Variants in C13orf42 observed in about 807,000 individuals in gnomAD.
C13orf42 encodes uncharacterized protein C13orf42.
intron 1 of C13orf42, among the ~76,000 whole-genome samples, chr13:51,168,189 T>A (rs1953916896): frequency 6.6e-6 from 1 of 152,222 alleles, no homozygotes; most frequent in Non-Finnish European, 1.5e-5. Context: ...GGTCTCTTTT[T>A]CACAGACAAG....
upstream of C13orf42, among the ~76,000 whole-genome samples, chr13:51,111,402 A>T (rs919701903): frequency 2.0e-5 from 3 of 152,086 alleles, no homozygotes; most frequent in African/African-American, 7.2e-5. Context: ...GGATGTTTAC[A>T]TCCTATAACC....
chr13:51,098,909 G>A (rs1311993512), intron 1 of C13orf42, among the ~76,000 whole-genome samples: 1 of 151,832 alleles, frequency 6.6e-6, no homozygotes, highest in African/African-American at 2.4e-5. Flanking sequence ...ATACTTTCTT[G>A]GGATAATCAT....
Position 51,153,630 on chromosome 13 carries a change from C to CTTTTTTTTTTT in C13orf42, n.136+18612_136+18622dup, listed in dbSNP as rs1206289963. ...CATTTTCTTGCTTTCTGTTTTTTTT[C>CTTTTTTTTTTT]TTTTTTTTTTTTTTTTTTTTTTTTT... On this transcript the variant is annotated intron_variant and non_coding_transcript_variant, in intron 1 of 4. Coordinates refer to the C13orf42 transcript ENST00000433280. 6.5e-3 allele frequency among the ~76,000 whole-genome samples: 525 copies of CTTTTTTTTTTT among 81,248 alleles called. 6 individuals are homozygous for CTTTTTTTTTTT. Among genetic ancestry groups the CTTTTTTTTTTT allele is most frequent in the Non-Finnish European group, 8.9e-3 (369 of 41,582 alleles). 53.3% of individuals were successfully genotyped at this position (81,248 alleles called of 152,430 possible).
intron 1 of C13orf42, among the ~76,000 whole-genome samples, chr13:51,137,822 T>G (rs1325739905): frequency 1.3e-5 from 2 of 152,204 alleles, no homozygotes; most frequent in Non-Finnish European, 2.9e-5. Flanking sequence ...TCATCTTGAT[T>G]TCATGTTCTG....
intron 1 of C13orf42, among the ~76,000 whole-genome samples, chr13:51,159,317 T>C (rs1484590136): frequency 6.6e-6 from 1 of 152,124 alleles, no homozygotes; most frequent in Non-Finnish European, 1.5e-5. Flanking sequence ...TTGTTTTCAA[T>C]GACAGTGATT....
intron 1 of C13orf42, among the ~76,000 whole-genome samples, chr13:51,163,685 A>G (rs139686006): frequency 1.3e-5 from 2 of 152,202 alleles, no homozygotes; most frequent in East Asian, 3.9e-4. Context: ...CTTCATAGAT[A>G]AGGAGTGAAT....
intron 1 of C13orf42, among the ~76,000 whole-genome samples, chr13:51,154,898 G>A (rs546285094): frequency 1.3e-5 from 2 of 152,344 alleles, no homozygotes; most frequent in African/African-American, 4.8e-5. Flanking sequence ...GTAGAAAGCA[G>A]GCTGTGCATG....
At chr13:51,120,919 C>T (rs151225763) in intron 1 of C13orf42, among the ~76,000 whole-genome samples, 2 of 152,302 alleles carry the variant, frequency 1.3e-5, no homozygotes, top group East Asian at 1.9e-4. Flanking sequence ...GAGGCTGAGG[C>T]AGGAGAATCT....
chr13:51,132,429 C>T (rs955355697), intron 1 of C13orf42, among the ~76,000 whole-genome samples: 1 of 146,972 alleles, frequency 6.8e-6, no homozygotes, highest in African/African-American at 2.5e-5. Context: ...GACTCCGTCT[C>T]AAAAACAAAA....
At chr13:51,160,452 T>C (rs976545289) in intron 1 of C13orf42, among the ~76,000 whole-genome samples, 8 of 152,236 alleles carry the variant, frequency 5.3e-5, no homozygotes, top group African/African-American at 1.9e-4. Flanking sequence ...GAGGTTGCAG[T>C]GAGCCGTGAT....
At chr13:51,136,377 A>C (rs1196801097) in intron 1 of C13orf42, among the ~76,000 whole-genome samples, 2 of 152,200 alleles carry the variant, frequency 1.3e-5, no homozygotes, top group Non-Finnish European at 2.9e-5. Context: ...AGAGAACCCC[A>C]GTGACTCTGA....
intron 1 of C13orf42, among the ~76,000 whole-genome samples, chr13:51,109,580 T>C (rs574150225): frequency 2.0e-5 from 3 of 151,600 alleles, no homozygotes; most frequent in Non-Finnish European, 4.4e-5. Context: ...AAGACTCCCA[T>C]CTCTACAAAA....
intron 1 of C13orf42, among the ~76,000 whole-genome samples, chr13:51,098,473 C>A (rs1953257683): frequency 6.6e-6 from 1 of 152,056 alleles, no homozygotes; most frequent in Non-Finnish European, 1.5e-5. Context: ...CAGACCCAGG[C>A]ACATCTTTTC....
At chr13:51,145,344 G>T (rs1953726395) in intron 1 of C13orf42, among the ~76,000 whole-genome samples, 1 of 151,850 alleles carries the variant, frequency 6.6e-6, no homozygotes, top group South Asian at 2.1e-4. Context: ...TTCCAGGATT[G>T]TTCTTTTGTT....
chr13:51,139,760 A>G (rs908223249), intron 1 of C13orf42, among the ~76,000 whole-genome samples: 1 of 152,184 alleles, frequency 6.6e-6, no homozygotes, highest in Non-Finnish European at 1.5e-5. Flanking sequence ...TAAAAAGGGG[A>G]GGCATGAATA....
At chr13:51,167,301 A>T (rs1184291825) in intron 1 of C13orf42, among the ~76,000 whole-genome samples, 4 of 152,106 alleles carry the variant, frequency 2.6e-5, no homozygotes, top group Admixed American at 2.6e-4. Context: ...ATATAAACCT[A>T]TCTGGGAGGG....
At chr13:51,169,450 AAGCC>A (rs1378080695) in intron 1 of C13orf42, among the ~76,000 whole-genome samples, 1 of 152,244 alleles carries the variant, frequency 6.6e-6, no homozygotes, top group African/African-American at 2.4e-5. Context: ...GGAGGAATTC[AAGCC>A]AGCTGCAGAA....
chr13:51,109,458 T>C (rs1418789540), intron 1 of C13orf42, among the ~76,000 whole-genome samples: 1 of 151,892 alleles, frequency 6.6e-6, no homozygotes, highest in Non-Finnish European at 1.5e-5. Flanking sequence ...TAGAAATAAA[T>C]AAAAGCTGGC....
chr13:51,115,289 A>G (rs923870644), upstream of C13orf42, among the ~76,000 whole-genome samples: 8 of 152,142 alleles, frequency 5.3e-5, no homozygotes, highest in Non-Finnish European at 1.2e-4. Flanking sequence ...TTTACCCACT[A>G]TCCTGAAGAG....
Sources: gnomAD v4.1 joint callset for allele counts (sites outside exome capture counted in the v4.1 genomes callset) on GRCh38, gnomAD v4.1.1 for gene constraint, MANE v1.5 for transcripts, NCBI Gene and HGNC (gene_info 2026-07-23, HGNC 2026-07-21) for gene names.